PCDHGA1: variants seen among roughly 807,000 people sequenced by gnomAD.
The protein encoded by PCDHGA1 is protocadherin gamma-A1.
In PCDHGA1, 32 loss-of-function variants were observed where a neutral mutation model predicts 58.0. That is an observed-to-expected ratio of 0.55 (90% confidence interval 0.42 to 0.74). PCDHGA1 has a LOEUF of 0.74. Among genes scored for constraint, PCDHGA1 ranks in the 30% least tolerant of loss-of-function variants. The pLI is 0.00. For synonymous variants in PCDHGA1, 498 were observed against 501.1 expected, an observed-to-expected ratio of 0.99 and a Z score of 0.08; for missense variants, 1,205 against 1,182.3, an observed-to-expected ratio of 1.02 and a Z score of -0.28.
intron 1 of PCDHGA1, chr5:141,384,751 G>T (rs1403362361): frequency 1.2e-6 from 2 of 1,614,050 alleles, no homozygotes; most frequent in East Asian, 4.5e-5. Flanking sequence ...AGGACTCTTT[G>T]CGGTTGGGCT....
intron 1 of PCDHGA1, among the ~76,000 whole-genome samples, chr5:141,470,290 C>T (rs1226383020): frequency 1.3e-5 from 2 of 152,148 alleles, no homozygotes; most frequent in Non-Finnish European, 2.9e-5. Context: ...TATTGGTTAA[C>T]TGTTTTTATT....
intron 1 of PCDHGA1, among the ~76,000 whole-genome samples, chr5:141,429,774 G>A (rs1175985162): frequency 6.6e-6 from 1 of 152,070 alleles, no homozygotes; most frequent in Non-Finnish European, 1.5e-5. Context: ...ATTTTGATGG[G>A]CTTCCAAAAG....
At chr5:141,402,812 C>A in intron 1 of PCDHGA1, 1 of 1,243,796 alleles carries the variant, frequency 8.0e-7, no homozygotes, top group Non-Finnish European at 1.1e-6. Flanking sequence ...GCAGATACCA[C>A]AAACCTGCTC....
intron 1 of PCDHGA1, chr5:141,421,647 G>A: frequency 6.2e-7 from 1 of 1,613,872 alleles, no homozygotes; most frequent in Non-Finnish European, 8.5e-7. Context: ...ACGAAGTGGA[G>A]ATAAAAGTCA....
chr5:141,345,412 A>T lies in PCDHGA1; in HGVS notation c.2421+12307A>T, dbSNP rs887313352. The T allele has an allele frequency of 3.1e-6, 5 of 1,614,026 alleles. No individual in the cohort carries two copies. In the South Asian group the frequency reaches 5.5e-5, roughly 18 times the overall value. Reference sequence around the variant, plus strand: ...TTCCCTCATTTATCCTACTCCGCCTACATTCCAGAAAACAACCCCAGAGGA... The same window carrying T: ...TTCCCTCATTTATCCTACTCCGCCTTCATTCCAGAAAACAACCCCAGAGGA... On this transcript the variant is annotated intron_variant, in intron 1 of 3. Transcript: ENST00000517417.
intron 1 of PCDHGA1, among the ~76,000 whole-genome samples, chr5:141,354,389 C>A (rs971076627): frequency 1.3e-5 from 2 of 152,144 alleles, no homozygotes; most frequent in Non-Finnish European, 2.9e-5. Flanking sequence ...TAGCTTGTGG[C>A]CAAGAATCTA....
In PCDHGA1 at chr5:141,431,509, C is replaced by T. The variant is rs774558486; in HGVS notation, c.2422-63298C>T. The T allele has an allele frequency of 3.1e-6, 5 of 1,613,992 alleles. 1 individual carries two copies. In the Admixed American group the frequency reaches 5.0e-5, roughly 16 times the overall value. On this transcript the variant is annotated intron_variant, in intron 1 of 3. Coordinates refer to ENST00000517417, the MANE Select transcript of PCDHGA1 (RefSeq NM_018912.3). This position sits in a 1 kb window ranked among gnomAD's most constrained non-coding sequence, Gnocchi z 4.8. ...TTGCTCAGCCCGAGTACCGCGCGAG[C>T]GTTCCGGAGAATCTGGCCTTGGGCA...
At chr5:141,402,434 A>C (rs2150931474) in intron 1 of PCDHGA1, among the ~76,000 whole-genome samples, 1 of 152,272 alleles carries the variant, frequency 6.6e-6, no homozygotes, top group East Asian at 1.9e-4. Flanking sequence ...AAGCATCATA[A>C]AAAGGAAATT....
rs774983500 is a variant in PCDHGA1 at position 141,490,973 on chromosome 5, G to T, written c.2422-3834G>T. ...GACTGGGAACACTCAGCCCCCCAGC[G>T]TCTCCCTCGCTCTGCTCCTCCTGGC... On this transcript the variant is annotated intron_variant, in intron 1 of 3. Transcript: ENST00000517417. The surrounding 1 kb of genome is among the most constrained non-coding windows in gnomAD (Gnocchi z 5.4). 1 of 1,613,932 alleles carries T rather than the reference G, an allele frequency of 6.2e-7. No individual in the cohort carries two copies. The highest frequency in any genetic ancestry group is 1.3e-5 in the African/African-American group (1 of 75,040).
rs1218261413 is a variant in PCDHGA1 at position 141,370,605 on chromosome 5, G to A, written c.2421+37500G>A. 2.5e-6 allele frequency: 4 copies of A among 1,613,858 alleles called. No individual in the cohort carries two copies. The African/African-American group carries it at 4.0e-5, about 16-fold the overall frequency. On this transcript the variant is annotated intron_variant, in intron 1 of 3. Coordinates refer to ENST00000517417, the MANE Select transcript of PCDHGA1 (RefSeq NM_018912.3). ...TACTAGGAACCTGCGGGTTATTGCA[G>A]AGAAGAAATTCTTTACCGTGAGCCC...
intron 1 of PCDHGA1, chr5:141,389,060 A>G (rs1164665785): frequency 3.7e-6 from 6 of 1,614,010 alleles, no homozygotes; most frequent in Non-Finnish European, 4.2e-6. Context: ...CATTTAAAAT[A>G]TTAACTTCTT....
At chr5:141,405,145 G>T (rs772542898) in intron 1 of PCDHGA1, 1 of 1,614,070 alleles carries the variant, frequency 6.2e-7, no homozygotes, top group Non-Finnish European at 8.5e-7. Context: ...CCAGTGATGG[G>T]TTGGCTGGTG....
chr5:141,357,451 C>A, intron 1 of PCDHGA1: 1 of 1,614,216 alleles, frequency 6.2e-7, no homozygotes, highest in South Asian at 1.1e-5. Context: ...GGCTTTCCTG[C>A]AGACCTATTC....
intron 1 of PCDHGA1, chr5:141,340,933 C>A (rs1407538556): frequency 6.2e-7 from 1 of 1,613,762 alleles, no homozygotes. Context: ...AGCCCCCTCT[C>A]TCCGCCACTG....
intron 1 of PCDHGA1, chr5:141,414,180 A>T: frequency 6.2e-7 from 1 of 1,608,986 alleles, no homozygotes; most frequent in Non-Finnish European, 8.5e-7. Context: ...TTGCAACTGC[A>T]AAAGTGTTGA....
At chr5:141,397,255 T>C (rs1471539186) in intron 1 of PCDHGA1, among the ~76,000 whole-genome samples, 2 of 152,214 alleles carry the variant, frequency 1.3e-5, no homozygotes, top group Admixed American at 6.5e-5. Flanking sequence ...GGGTATATCA[T>C]TTCTTAGCTA....
rs34152666 is a variant in PCDHGA1 at position 141,428,860 on chromosome 5, C to CT, written c.2422-65934dup. 6.7e-4 allele frequency: 98 copies of CT among 145,544 alleles called. 1 individual carries two copies. The highest frequency in any genetic ancestry group is 1.4e-3 in the East Asian group (7 of 4,990). 9.0% of individuals were successfully genotyped at this position (145,544 alleles called of 1,614,324 possible). On this transcript the variant is annotated intron_variant, in intron 1 of 3. Transcript: ENST00000517417. ...ACATTTTCACCATTTTTACGGGAGA[C>CT]TTTTTTTTTTTTTGGACGGAGTCTC...
At chr5:141,394,769 C>A in intron 1 of PCDHGA1, 1 of 1,613,514 alleles carries the variant, frequency 6.2e-7, no homozygotes, top group African/African-American at 1.3e-5. Context: ...ATGGCCAGCC[C>A]CCTCTCTCCG....
intron 2 of PCDHGA1, among the ~76,000 whole-genome samples, chr5:141,502,401 G>A (rs191747075): frequency 2.0e-5 from 3 of 151,874 alleles, no homozygotes; most frequent in Admixed American, 1.3e-4. Flanking sequence ...AAATGTCCCC[G>A]AACCTGGATT....
Sources: allele counts gnomAD v4.1 joint callset (sites outside exome capture counted in the v4.1 genomes callset), GRCh38; gene constraint gnomAD v4.1.1; non-coding constraint Gnocchi (gnomAD v3.1); transcripts MANE v1.5; gene names NCBI Gene and HGNC (gene_info 2026-07-23, HGNC 2026-07-21).